The following COG6 variants were observed in gnomAD, a reference collection of about 807,000 sequenced individuals.
The protein encoded by COG6 is component of oligomeric golgi complex 6.
COG6 carries 74 observed loss-of-function variants against 88.8 expected under a neutral mutation model. That is an observed-to-expected ratio of 0.83 (90% CI 0.69 to 1.01). The LOEUF is 1.01. Among genes scored for constraint, COG6 ranks in the 50% least tolerant of loss-of-function variants. The pLI, the probability that COG6 is intolerant of heterozygous loss-of-function variation, is 0.00. For missense variants in COG6, 800 were observed against 797.9 expected (o/e 1.00, Z -0.03); for synonymous variants, 286 against 278.7 (o/e 1.03, Z -0.26).
chr13:39,760,027 A>C (rs1215366762), intron 18 of COG6, among the ~76,000 whole-genome samples: 1 of 152,218 alleles, frequency 6.6e-6, no homozygotes, highest in Non-Finnish European at 1.5e-5. Context: ...CAGGAAATTA[A>C]TTTACTTAAA....
chr13:39,655,639 C>T, upstream of COG6: 1 of 1,470,010 alleles, frequency 6.8e-7, no homozygotes, highest in Non-Finnish European at 9.3e-7. Flanking sequence ...TGCGCATGCG[C>T]GGCCGATTTG....
At chr13:39,658,274 G>A (rs952451456) in intron 1 of COG6, among the ~76,000 whole-genome samples, 1 of 151,734 alleles carries the variant, frequency 6.6e-6, no homozygotes, top group Admixed American at 6.6e-5. Flanking sequence ...CTCCCAGGTA[G>A]CTGGGTCTAC....
At position 39,681,235 on chromosome 13, in the gene COG6, T is replaced by C. The variant is rs544518474; in HGVS notation, c.695-936T>C. On this transcript the variant is annotated intron_variant, in intron 7 of 18. Transcript: ENST00000455146. ...CTGTACTATGCTGCGCAAATGGAAT[T>C]CTCTGATCTGGTTGGTTAAGTCTTT... 3.9e-5 allele frequency among the ~76,000 whole-genome samples: 6 copies of C among 152,344 alleles called. No homozygotes were observed. In the South Asian group the frequency reaches 1.2e-3, roughly 32 times the overall value.
At chr13:39,721,724 TC>T in intron 15 of COG6, among the ~76,000 whole-genome samples, 1 of 152,112 alleles carries the variant, frequency 6.6e-6, no homozygotes, top group South Asian at 2.1e-4. Context: ...GGTAAAGGAG[TC>T]TTGATTTTAG....
chr13:39,672,226 T>C (rs565555507), intron 4 of COG6, among the ~76,000 whole-genome samples: 12 of 152,172 alleles, frequency 7.9e-5, no homozygotes, highest in African/African-American at 2.9e-4. Context: ...GTTATAATAA[T>C]ACATGTAATT....
chr13:39,699,917 G>A lies in COG6; in HGVS notation c.1284+299G>A, dbSNP rs74484750. Among the ~76,000 whole-genome samples the A allele has an allele frequency of 7.1e-3, 1,083 of 151,774 alleles. 12 individuals are homozygous for A. Among genetic ancestry groups the A allele is most frequent in the African/African-American group, 0.025 (1,030 of 41,456 alleles). On this transcript the variant is annotated intron_variant, in intron 13 of 18. Transcript: ENST00000455146. ...AAGCAAACTTACTGTATTTAGCTGG[G>A]GGCTAAGATGACATACAGATTGGAA...
At chr13:39,755,669 C>T (rs575257873), downstream of COG6, among the ~76,000 whole-genome samples, 1 of 151,230 alleles carries the variant, frequency 6.6e-6, no homozygotes, top group East Asian at 2.0e-4. Context: ...TAATCTCTCA[C>T]CTCTGCCTGA....
intron 18 of COG6, among the ~76,000 whole-genome samples, chr13:39,782,681 A>C (rs1881665420): frequency 6.6e-6 from 1 of 152,198 alleles, no homozygotes; most frequent in Non-Finnish European, 1.5e-5. Context: ...GCCACAGTAG[A>C]AGACAGGAGC....
chr13:39,699,144 CTTAAAA>C (rs1028163744), intron 12 of COG6, among the ~76,000 whole-genome samples: 4 of 151,516 alleles, frequency 2.6e-5, no homozygotes, highest in South Asian at 4.1e-4. Context: ...CAGTGCTCTT[CTTAAAA>C]TTAAAATTAA....
intron 4 of COG6, among the ~76,000 whole-genome samples, chr13:39,674,280 C>A (rs192639206): frequency 6.8e-6 from 1 of 147,924 alleles, no homozygotes; most frequent in Non-Finnish European, 1.5e-5. Flanking sequence ...AGTGATGAAT[C>A]GACATGTTTC....
chr13:39,732,642 G>C (rs1380359427), intron 18 of COG6, among the ~76,000 whole-genome samples: 1 of 152,194 alleles, frequency 6.6e-6, no homozygotes, highest in African/African-American at 2.4e-5. Context: ...TTATAGGCCA[G>C]TTGAACACTC....
chr13:39,710,664 T>C (rs914860920), intron 13 of COG6, among the ~76,000 whole-genome samples: 2 of 152,142 alleles, frequency 1.3e-5, no homozygotes, highest in African/African-American at 4.8e-5. Context: ...ACAAATACTT[T>C]TCGGTTGTTG....
intron 18 of COG6, among the ~76,000 whole-genome samples, chr13:39,760,287 A>G (rs1880970560): frequency 6.6e-6 from 1 of 152,140 alleles, no homozygotes; most frequent in African/African-American, 2.4e-5. Flanking sequence ...GATAATGAAG[A>G]TTGAACTGAG....
chr13:39,682,421 G>A (rs1242552721), intron 8 of COG6, 157 bp downstream of exon 8: 6 of 598,670 alleles, frequency 1.0e-5, no homozygotes, highest in African/African-American at 1.9e-5. Context: ...TGTTTCATGG[G>A]GTATCAGCTT....
chr13:39,725,323 A>G (rs1411214668), intron 17 of COG6, among the ~76,000 whole-genome samples: 1 of 151,870 alleles, frequency 6.6e-6, no homozygotes, highest in Non-Finnish European at 1.5e-5. Flanking sequence ...CATTCAATCC[A>G]GGAAGTTGGC....
Position 39,751,829 on chromosome 13 carries a change from T to C in COG6, c.*736T>C. 1 of 1,287,206 alleles carries C rather than the reference T, an allele frequency of 7.8e-7. No individual in the cohort carries two copies. The highest frequency in any genetic ancestry group is 1.0e-6 in the Non-Finnish European group (1 of 988,666). 79.7% of individuals were successfully genotyped at this position (1,287,206 alleles called of 1,614,324 possible). On this transcript the variant is annotated 3_prime_UTR_variant, in exon 19 of 19. Transcript: ENST00000455146. ...ATGGAACTCAAGGTGGAGCTCAGCC[T>C]TTCCAATGAGCTCTAAGCATGTAGA...
rs748740242 is a variant in COG6 at position 39,751,056 on chromosome 13, ACCGATCG to A, written c.1941_1947del (p.Pro649LysfsTer15). On this transcript the variant is annotated frameshift_variant, in exon 19 of 19. Coordinates refer to ENST00000455146, the MANE Select transcript of COG6 (RefSeq NM_020751.3). LOFTEE classifies it high-confidence loss of function. ...TACAAAGATCCAGAGAACATTCTTC[ACCGATCG>A]CCGCAGCAAGTGCAGACGCTTCTTT... The A allele has an allele frequency of 1.2e-6, 2 of 1,613,786 alleles. No individual in the cohort carries two copies. The highest frequency in any genetic ancestry group is 3.3e-5 in the Admixed American group (2 of 59,952).
At chr13:39,747,234 C>T (rs1263344849) in intron 18 of COG6, among the ~76,000 whole-genome samples, 1 of 152,056 alleles carries the variant, frequency 6.6e-6, no homozygotes, top group Non-Finnish European at 1.5e-5. Flanking sequence ...AGTGTAGGAA[C>T]CTGTTGCTTT....
At chr13:39,659,072 A>G (rs1874717759) in intron 1 of COG6, among the ~76,000 whole-genome samples, 1 of 152,124 alleles carries the variant, frequency 6.6e-6, no homozygotes, top group Non-Finnish European at 1.5e-5. Context: ...AGTATATCAT[A>G]ATTTATTTAA....
Sources: allele counts gnomAD v4.1 joint callset (sites outside exome capture counted in the v4.1 genomes callset), GRCh38; gene constraint gnomAD v4.1.1; transcripts MANE v1.5; gene names NCBI Gene and HGNC (gene_info 2026-07-23, HGNC 2026-07-21).